The following RNF217 variants were observed in gnomAD, a reference collection of about 807,000 sequenced individuals.
The protein encoded by RNF217 is ring finger protein 217.
A neutral mutation model predicts 57.8 loss-of-function variants in RNF217; 31 were observed. The ratio of observed to expected loss-of-function variants is 0.54; its 90% CI spans 0.40 to 0.72. The LOEUF (loss-of-function observed/expected upper bound fraction) is 0.72. Among genes scored for constraint, RNF217 ranks in the 30% least tolerant of loss-of-function variants. RNF217 has a pLI of 0.00. For missense variants in RNF217, 696 were observed against 708.3 expected, an observed-to-expected ratio of 0.98 and a Z score of 0.20; for synonymous variants, 313 against 294.0, an observed-to-expected ratio of 1.06 and a Z score of -0.66.
At chr6:125,009,218 A>C (rs1785321293) in intron 1 of RNF217, 2 of 1,601,404 alleles carry the variant, frequency 1.2e-6, no homozygotes, top group Non-Finnish European at 1.7e-6. Flanking sequence ...AGGAGAATCA[A>C]AGCTGTTGTA....
At chr6:125,023,230 T>A (rs1321886912) in intron 1 of RNF217, among the ~76,000 whole-genome samples, 1 of 152,152 alleles carries the variant, frequency 6.6e-6, no homozygotes, top group Non-Finnish European at 1.5e-5. Context: ...GTGTAAAGTA[T>A]GTCCTGGGTA....
chr6:124,980,819 T>C (rs1784136562), intron 1 of RNF217, among the ~76,000 whole-genome samples: 1 of 152,226 alleles, frequency 6.6e-6, no homozygotes, highest in Admixed American at 6.5e-5. Context: ...AATTTCCCTC[T>C]AATTACACTC....
In RNF217 at chr6:125,013,351, ATGTGTGTGTGTGTG is replaced by A. The variant is rs61504994; in HGVS notation, c.883-31835_883-31822del. 3.0e-4 allele frequency among the ~76,000 whole-genome samples: 42 copies of A among 141,288 alleles called. No homozygotes were observed. The East Asian group carries it at 5.0e-3, about 17-fold the overall frequency. 92.7% of individuals were successfully genotyped at this position (141,288 alleles called of 152,430 possible). On this transcript the variant is annotated intron_variant, in intron 1 of 5. Coordinates refer to ENST00000521654, the MANE Select transcript of RNF217 (RefSeq NM_001286398.3). ...AGGTAGGTGCTTGCATGTTTTGTGT[ATGTGTGTGTGTGTG>A]TGTGTGTGTGTGTGTGTGTGTGTGC...
rs1462070060 is a variant in RNF217, at chr6:125,089,162, G to A, written c.*6225G>A. On this transcript the variant is annotated 3_prime_UTR_variant, in exon 6 of 6. Coordinates refer to ENST00000521654, the MANE Select transcript of RNF217 (RefSeq NM_001286398.3). ...GATAGGAGTTGGAGAACACTGCCTA[G>A]CCCTCTGCCAAGAAGTAAGTCAAGC... The A allele has an allele frequency of 2.6e-5, 4 of 152,194 alleles. No individual in the cohort carries two copies. Among genetic ancestry groups the A allele is most frequent in the African/African-American group, 4.8e-5 (2 of 41,448 alleles). 9.4% of individuals were successfully genotyped at this position (152,194 alleles called of 1,614,324 possible). A position where few individuals can be genotyped will look rare whatever the true frequency, so the allele number is the denominator to read the frequency against.
intron 3 of RNF217, among the ~76,000 whole-genome samples, chr6:125,074,072 C>T (rs1170264552): frequency 6.6e-6 from 1 of 152,086 alleles, no homozygotes; most frequent in African/African-American, 2.4e-5. Flanking sequence ...TGTCAGTCAC[C>T]CACTGGAAAG....
Position 124,962,637 on chromosome 6 carries a change from G to C in RNF217, c.93G>C (p.Pro31=). 7.6e-7 allele frequency: 1 copy of C among 1,324,048 alleles called. No individual in the cohort carries two copies. Among genetic ancestry groups the C allele is most frequent in the African/African-American group, 1.6e-5 (1 of 64,452 alleles). The allele number at this position is 1,324,048 out of a possible 1,614,324, so 82.0% of individuals were successfully genotyped here. ...ASGTAGHPEP[P]RPQGDSARAP... is the part of the protein sequence containing the mutation. ...GCACTGCGGGCCACCCTGAGCCCCC[G>C]AGGCCTCAGGGGGACAGCGCCCGGG... is the stretch of plus-strand genomic sequence containing the variant. The change falls in exon 1 of 6, where the codon CCG becomes CCC. Residue 31 remains proline (P), a synonymous_variant. Coordinates refer to ENST00000521654, the MANE Select transcript of RNF217 (RefSeq NM_001286398.3). This position sits in a 1 kb window ranked among gnomAD's most constrained non-coding sequence, Gnocchi z 4.6.
chr6:125,011,705 T>A (rs549478955), intron 1 of RNF217, among the ~76,000 whole-genome samples: 6 of 152,286 alleles, frequency 3.9e-5, no homozygotes, highest in Non-Finnish European at 7.4e-5. Flanking sequence ...TTAATTTTTT[T>A]AAAAATGATT....
chr6:124,962,726 G>A lies in RNF217; in HGVS notation c.182G>A (p.Cys61Tyr), dbSNP rs746184175. The change falls in exon 1 of 6, where the codon TGC (cysteine) becomes TAC (tyrosine). Residue 61 changes from cysteine to tyrosine, a missense_variant. By Grantham distance (194) the Cys-to-Tyr change is radical. Around this residue, in one of 2 missense-constraint regions of RNF217, gnomAD observed 465 missense variants for 386.8 expected, o/e 1.20. Transcript: ENST00000521654. This position sits in a 1 kb window ranked among gnomAD's most constrained non-coding sequence, Gnocchi z 4.6. ...GGTGGCTGCGGAAGCGACTGGGGCT[G>A]CGCGGACACCAGCGCCCCAGAGCCC... ...SGGGCGSDWG[C>Y]ADTSAPEPAR... The A allele has an allele frequency of 7.1e-6, 11 of 1,550,784 alleles. No individual in the cohort carries two copies. The highest frequency in any genetic ancestry group is 9.5e-6 in the Non-Finnish European group (11 of 1,158,934).
At chr6:125,073,085 A>G (rs1450333157) in intron 3 of RNF217, among the ~76,000 whole-genome samples, 6 of 152,212 alleles carry the variant, frequency 3.9e-5, no homozygotes, top group Non-Finnish European at 7.3e-5. Flanking sequence ...AAATTTGTTA[A>G]GTCGTATTAT....
intron 1 of RNF217, among the ~76,000 whole-genome samples, chr6:124,965,580 A>G (rs879275646): frequency 1.3e-5 from 2 of 152,214 alleles, no homozygotes; most frequent in Non-Finnish European, 2.9e-5. Flanking sequence ...TCAAAAAAAA[A>G]GAAGAATATA....
intron 2 of RNF217, among the ~76,000 whole-genome samples, chr6:125,047,828 G>T (rs1194677545): frequency 6.6e-6 from 1 of 152,016 alleles, no homozygotes. Context: ...CCTCAGCGGT[G>T]GGTGTGGGGT....
chr6:124,985,555 A>G lies in RNF217; in HGVS notation c.882+22129A>G, dbSNP rs1383212444. Among the ~76,000 whole-genome samples the G allele has an allele frequency of 4.6e-5, 7 of 152,186 alleles. No homozygotes were observed. The East Asian group carries it at 1.2e-3, about 25-fold the overall frequency. The stretch of plus-strand genomic sequence containing the variant: ...AGAATATTCAACTGCACATAATTTT[A>G]ACTAAATCTCTACATATTAACATGA... On this transcript the variant is annotated intron_variant, in intron 1 of 5. Coordinates refer to ENST00000521654, the MANE Select transcript of RNF217 (RefSeq NM_001286398.3).
At chr6:124,972,157 T>C (rs770105941) in intron 1 of RNF217, among the ~76,000 whole-genome samples, 3 of 152,228 alleles carry the variant, frequency 2.0e-5, no homozygotes, top group Admixed American at 6.5e-5. Flanking sequence ...TTTCCATTCA[T>C]TGTACTCAGG....
At chr6:125,009,349 C>T in intron 1 of RNF217, 1 of 1,058,264 alleles carries the variant, frequency 9.4e-7, no homozygotes, top group South Asian at 1.3e-5. Context: ...CTCTTCAAAA[C>T]ACCTCCTGTG....
intron 4 of RNF217, among the ~76,000 whole-genome samples, chr6:125,077,556 C>T (rs9491304): frequency 0.11 from 16,743 of 152,142 alleles, 975 homozygotes; most frequent in African/African-American, 0.12. Flanking sequence ...AACACAGACA[C>T]CTGCCCATAA....
intron 3 of RNF217, among the ~76,000 whole-genome samples, chr6:125,072,776 G>C (rs576033989): frequency 6.6e-6 from 1 of 152,256 alleles, no homozygotes; most frequent in African/African-American, 2.4e-5. Flanking sequence ...TGTCTGACTG[G>C]TTGGCAAATA....
chr6:124,968,026 C>T (rs931239378), intron 1 of RNF217, among the ~76,000 whole-genome samples: 3 of 152,168 alleles, frequency 2.0e-5, no homozygotes, highest in Non-Finnish European at 4.4e-5. Context: ...ATGGTCCACC[C>T]GCCTCGCACT....
chr6:125,059,992 G>C (rs564833091), intron 3 of RNF217, among the ~76,000 whole-genome samples: 14 of 152,234 alleles, frequency 9.2e-5, no homozygotes, highest in African/African-American at 3.1e-4. Flanking sequence ...GATGTGTTTG[G>C]AGTATAAATG....
Position 125,084,275 on chromosome 6 carries a change from G to C in RNF217, c.*1338G>C, listed in dbSNP as rs750587023. 3.3e-5 allele frequency: 5 copies of C among 151,548 alleles called. No homozygotes were observed. The highest frequency in any genetic ancestry group is 7.4e-5 in the Non-Finnish European group (5 of 67,784). 9.4% of individuals were successfully genotyped at this position (151,548 alleles called of 1,614,324 possible). A position where few individuals can be genotyped will look rare whatever the true frequency, so the allele number is the denominator to read the frequency against. ...CCAATATCAGCTGCTTTTGGGAAAG[G>C]AAACAAAAAAGTGAAGGAAATATTT... On this transcript the variant is annotated 3_prime_UTR_variant, in exon 6 of 6. Transcript: ENST00000521654.
Sources: allele counts gnomAD v4.1 joint callset (sites outside exome capture counted in the v4.1 genomes callset), GRCh38; gene constraint gnomAD v4.1.1; regional missense constraint gnomAD v4.1.1; non-coding constraint Gnocchi (gnomAD v3.1); transcripts MANE v1.5; gene names NCBI Gene and HGNC (gene_info 2026-07-23, HGNC 2026-07-21).